HHLA2: variants seen among roughly 807,000 people sequenced by gnomAD.
The protein encoded by HHLA2 is HERV-H LTR-associating protein 2.
Under a neutral mutation model 45.9 loss-of-function variants are expected in HHLA2, and 48 were observed. The observed-to-expected ratio is 1.05, with a 90% CI of 0.83 to 1.33. The LOEUF is 1.33. Among genes scored for constraint, HHLA2 ranks in the 40% most tolerant of loss-of-function variants. The probability of loss-of-function intolerance (pLI) is 0.00; values close to 1 mark genes in which losing one functional copy is unlikely to be tolerated. For missense variants in HHLA2, 462 were observed against 494.3 expected (o/e 0.93, Z 0.62); for synonymous variants, 161 against 173.9 (o/e 0.93, Z 0.59).
At chr3:108,359,989 T>C (rs2081960647) in intron 7 of HHLA2, among the ~76,000 whole-genome samples, 1 of 152,224 alleles carries the variant, frequency 6.6e-6, no homozygotes, top group Non-Finnish European at 1.5e-5. Flanking sequence ...CTTGCTTTCA[T>C]TGCAATTAAA....
chr3:108,356,275 C>T (rs1159213746), intron 6 of HHLA2, among the ~76,000 whole-genome samples: 7 of 152,082 alleles, frequency 4.6e-5, no homozygotes, highest in Admixed American at 3.3e-4. Flanking sequence ...CGTGATCCAC[C>T]CATATCGGCC....
chr3:108,352,527 T>G (rs2081799632), intron 4 of HHLA2, among the ~76,000 whole-genome samples: 1 of 152,178 alleles, frequency 6.6e-6, no homozygotes, highest in Non-Finnish European at 1.5e-5. Flanking sequence ...GTCCAAAAAA[T>G]AAGGTCCTTT....
Position 108,358,028 on chromosome 3 carries a change from G to A in HHLA2, c.870G>A (p.Trp290Ter), listed in dbSNP as rs41267017. 4.6e-3 allele frequency: 7,384 copies of A among 1,613,740 alleles called. 48 individuals carry two copies. Among genetic ancestry groups the A allele is most frequent in the South Asian group, 0.015 (1,336 of 91,068 alleles). ...TTATCAATGAATCCCGATTCTCATGGAACAAAGAGCTGATAAACCAGAGTG... is the reference window on the plus strand; with the variant it reads ...TTATCAATGAATCCCGATTCTCATGAAACAAAGAGCTGATAAACCAGAGTG... Residue 290 changes from tryptophan (W) to a stop codon, truncating the protein, a stop_gained, in exon 7 of 11, where the codon TGG becomes TGA. Coordinates refer to ENST00000619531, the Ensembl canonical transcript of HHLA2. LOFTEE classifies it high-confidence loss of function.
At chr3:108,370,056 AC>A (rs1452587264) in intron 8 of HHLA2, among the ~76,000 whole-genome samples, 9 of 152,062 alleles carry the variant, frequency 5.9e-5, no homozygotes, top group Non-Finnish European at 1.3e-4. Flanking sequence ...ACTGGGGGGA[AC>A]CCCCAGTAGG....
intron 1 of HHLA2, among the ~76,000 whole-genome samples, chr3:108,301,730 C>T (rs576364575): frequency 6.6e-6 from 1 of 152,250 alleles, no homozygotes; most frequent in African/African-American, 2.4e-5. Flanking sequence ...ACCCCTTTCT[C>T]CCTCAACTCA....
intron 8 of HHLA2, among the ~76,000 whole-genome samples, chr3:108,373,520 A>C (rs2082217495): frequency 6.6e-6 from 1 of 152,222 alleles, no homozygotes; most frequent in South Asian, 2.1e-4. Flanking sequence ...TTCAATTAGG[A>C]AAACAGGAAG....
At chr3:108,361,427 G>A (rs1357240585) in intron 7 of HHLA2, among the ~76,000 whole-genome samples, 3 of 152,122 alleles carry the variant, frequency 2.0e-5, no homozygotes, top group East Asian at 1.9e-4. Flanking sequence ...TCATGATATC[G>A]CAGTGCTTGT....
At chr3:108,342,166 T>G (rs1424445393) in intron 3 of HHLA2, among the ~76,000 whole-genome samples, 1 of 152,170 alleles carries the variant, frequency 6.6e-6, no homozygotes, top group Non-Finnish European at 1.5e-5. Context: ...CCTTCCAAAT[T>G]TAATCATATC....
chr3:108,352,431 G>C (rs574388604), intron 4 of HHLA2, among the ~76,000 whole-genome samples: 1 of 152,200 alleles, frequency 6.6e-6, no homozygotes, highest in African/African-American at 2.4e-5. Context: ...GGAAGGTAGA[G>C]GATAAAGACT....
intron 1 of HHLA2, chr3:108,302,468 G>A (rs1293126028): frequency 6.6e-6 from 1 of 152,126 alleles, no homozygotes; most frequent in Non-Finnish European, 1.5e-5. Flanking sequence ...CCTTGATTCT[G>A]ACAGTACAAG....
intron 3 of HHLA2, among the ~76,000 whole-genome samples, chr3:108,346,102 C>T (rs1560237368): frequency 2.0e-5 from 2 of 98,470 alleles, no homozygotes; most frequent in African/African-American, 4.6e-5. Context: ...GCAATTGCAC[C>T]TCCTCACCTC....
In HHLA2 at chr3:108,352,647, T is replaced by A. The variant is rs192256566; in HGVS notation, c.64+770T>A. ...TTCAATGATAGGAAGTGTCTGGGTA[T>A]ATTTTCTTTGCAAAAATCTCTTATT... On this transcript the variant is annotated intron_variant, in intron 4 of 10. Coordinates refer to ENST00000619531, the Ensembl canonical transcript of HHLA2. 7.2e-3 allele frequency among the ~76,000 whole-genome samples: 1,101 copies of A among 152,360 alleles called. 9 individuals carry two copies. Among genetic ancestry groups the A allele is most frequent in the South Asian group, 0.018 (87 of 4,824 alleles).
chr3:108,319,643 T>G (rs976608186), intron 2 of HHLA2, among the ~76,000 whole-genome samples: 1 of 152,252 alleles, frequency 6.6e-6, no homozygotes, highest in East Asian at 1.9e-4. Flanking sequence ...ACAAGTTTAC[T>G]AGAGGCAGAC....
At chr3:108,356,075 G>A (rs2081886374) in intron 6 of HHLA2, among the ~76,000 whole-genome samples, 1 of 128,848 alleles carries the variant, frequency 7.8e-6, no homozygotes, top group African/African-American at 3.0e-5. Flanking sequence ...TGTCGCCCAG[G>A]CTGGAGTACA....
intron 3 of HHLA2, among the ~76,000 whole-genome samples, chr3:108,344,872 G>C (rs936182063): frequency 1.3e-5 from 2 of 152,180 alleles, no homozygotes; most frequent in Admixed American, 6.5e-5. Context: ...CTGATATAGA[G>C]AGCTATTAAG....
At chr3:108,332,719 C>T (rs9856771) in intron 3 of HHLA2, among the ~76,000 whole-genome samples, 84,833 of 151,882 alleles carry the variant, frequency 0.56, 24,325 homozygotes, top group Middle Eastern at 0.63. Context: ...GGAAAGCTGA[C>T]ATACAAACAG....
At chr3:108,364,966 A>G (rs2082040501) in intron 8 of HHLA2, among the ~76,000 whole-genome samples, 1 of 152,146 alleles carries the variant, frequency 6.6e-6, no homozygotes, top group Non-Finnish European at 1.5e-5. Flanking sequence ...CTCTGATGAT[A>G]GTTTCTATGG....
chr3:108,371,298 G>A (rs1486229141), intron 8 of HHLA2, among the ~76,000 whole-genome samples: 1 of 152,110 alleles, frequency 6.6e-6, no homozygotes, highest in Non-Finnish European at 1.5e-5. Context: ...TCACCACCAG[G>A]CCTGCCCTAA....
chr3:108,331,522 T>C (rs201478984), intron 3 of HHLA2, among the ~76,000 whole-genome samples: 1 of 152,134 alleles, frequency 6.6e-6, no homozygotes, highest in East Asian at 1.9e-4. Flanking sequence ...AACTACCTCA[T>C]ATAATCACAT....
Sources: allele counts gnomAD v4.1 joint callset (sites outside exome capture counted in the v4.1 genomes callset), GRCh38; gene constraint gnomAD v4.1.1; transcripts MANE v1.5; gene names NCBI Gene and HGNC (gene_info 2026-07-23, HGNC 2026-07-21).